Variants in FSTL4 observed in about 807,000 individuals in gnomAD.
The protein encoded by FSTL4 is follistatin-related protein 4.
Under a neutral mutation model 78.2 loss-of-function variants are expected in FSTL4, and 28 were observed. The observed-to-expected ratio is 0.36, with a 90% CI of 0.27 to 0.49. The LOEUF is 0.49. FSTL4 is among the 20% of genes least tolerant of loss of function. The pLI, the probability that FSTL4 is intolerant of heterozygous loss-of-function variation, is 0.98. For missense variants in FSTL4, 922 were observed against 1,084.9 expected, an observed-to-expected ratio of 0.85 and a Z score of 2.11; for synonymous variants, 422 against 440.5, an observed-to-expected ratio of 0.96 and a Z score of 0.53.
In FSTL4 at chr5:133,361,307, C is replaced by T. The variant is rs533064741; in HGVS notation, c.409+39431G>A. Among the ~76,000 whole-genome samples the T allele has an allele frequency of 5.4e-4, 83 of 152,316 alleles. No individual in the cohort carries two copies. The South Asian group carries it at 0.016, about 30-fold the overall frequency. ...TGGGAGTGGGAGACCCTTACCTCTG[C>T]CCCTTTGTATGTTATCTTGAGATTT... On this transcript the variant is annotated intron_variant, in intron 4 of 15. Transcript: ENST00000265342. The surrounding 1 kb of genome is among the most constrained non-coding windows in gnomAD (Gnocchi z 4.3).
chr5:133,579,908 G>A (rs1561476326), intron 2 of FSTL4, among the ~76,000 whole-genome samples: 3 of 152,206 alleles, frequency 2.0e-5, no homozygotes, highest in Non-Finnish European at 2.9e-5. Context: ...GGGGCCAGCG[G>A]TGATTGATCA....
At chr5:133,812,707 C>T in the FSTL4 span, among the ~76,000 whole-genome samples, 1 of 152,198 alleles carries the variant, frequency 6.6e-6, no homozygotes, top group Non-Finnish European at 1.5e-5. Flanking sequence ...TGCCTAAAGG[C>T]ATCTTGTTCA....
the FSTL4 span, among the ~76,000 whole-genome samples, chr5:133,836,648 T>C: frequency 1.3e-5 from 2 of 152,292 alleles, no homozygotes; most frequent in East Asian, 3.9e-4. Flanking sequence ...TCCTTTTTTT[T>C]TTTAGGGTGG....
chr5:133,780,082 C>T, the FSTL4 span, among the ~76,000 whole-genome samples: 1 of 152,162 alleles, frequency 6.6e-6, no homozygotes, highest in Non-Finnish European at 1.5e-5. Flanking sequence ...CTCGCAGGTG[C>T]ACACCCATCA....
the FSTL4 span, among the ~76,000 whole-genome samples, chr5:133,767,261 G>A: frequency 2.6e-4 from 40 of 152,256 alleles, no homozygotes; most frequent in Non-Finnish European, 5.0e-4. Flanking sequence ...TTCATTTATC[G>A]AGAGTGGCTC....
intron 14 of FSTL4, among the ~76,000 whole-genome samples, chr5:133,209,501 T>C (rs1055286868): frequency 2.6e-5 from 4 of 152,218 alleles, no homozygotes; most frequent in African/African-American, 9.6e-5. Flanking sequence ...TTTGGGAGAA[T>C]TGAGAAAATG....
chr5:133,476,355 G>A (rs1192854659), intron 3 of FSTL4, among the ~76,000 whole-genome samples: 1 of 152,182 alleles, frequency 6.6e-6, no homozygotes, highest in East Asian at 1.9e-4. Context: ...ATACCACATT[G>A]CAGTTTGGTT....
In FSTL4 at chr5:133,569,867, T is replaced by G. The variant is rs532037913; in HGVS notation, c.127-2648A>C. On this transcript the variant is annotated intron_variant, in intron 2 of 15. Transcript: ENST00000265342. The stretch of plus-strand genomic sequence containing the variant: ...TTTATTGGTCTATAATTTTTTGTAC[T>G]GATATTCATAAATGAGATTGGTCTA... 5.3e-5 allele frequency among the ~76,000 whole-genome samples: 8 copies of G among 152,334 alleles called. 1 individual carries two copies. Among genetic ancestry groups the G allele is most frequent in the Admixed American group, 5.2e-4 (8 of 15,302 alleles).
At chr5:133,715,944 T>C in the FSTL4 span, among the ~76,000 whole-genome samples, 4 of 152,194 alleles carry the variant, frequency 2.6e-5, no homozygotes, top group Admixed American at 2.0e-4. Context: ...AGTATCCTCA[T>C]TGTGCTTAGT....
At chr5:133,402,608 A>G (rs541468676) in intron 3 of FSTL4, among the ~76,000 whole-genome samples, 2 of 152,350 alleles carry the variant, frequency 1.3e-5, no homozygotes, top group South Asian at 4.1e-4. Context: ...AAAAAAGAAA[A>G]AAATATATTT....
At chr5:133,269,157 C>T (rs1219475126) in intron 6 of FSTL4, among the ~76,000 whole-genome samples, 1 of 140,768 alleles carries the variant, frequency 7.1e-6, no homozygotes, top group Non-Finnish European at 1.5e-5. Context: ...ACCACTCCAG[C>T]CTGGGCGATG....
intron 7 of FSTL4, among the ~76,000 whole-genome samples, chr5:133,241,576 A>G (rs1751875336): frequency 6.6e-6 from 1 of 152,202 alleles, no homozygotes; most frequent in Non-Finnish European, 1.5e-5. Flanking sequence ...AGTGTTATGT[A>G]GTAGGGGTGG....
intron 4 of FSTL4, among the ~76,000 whole-genome samples, chr5:133,389,899 G>A (rs1333873184): frequency 6.6e-6 from 1 of 152,216 alleles, no homozygotes; most frequent in African/African-American, 2.4e-5. Flanking sequence ...ATGGGGTGGA[G>A]GAAGGCAGAA....
At chr5:133,745,708 A>C in the FSTL4 span, among the ~76,000 whole-genome samples, 67 of 152,302 alleles carry the variant, frequency 4.4e-4, no homozygotes, top group African/African-American at 1.5e-3. Context: ...TCATCCACAA[A>C]CCAACTTCCA....
chr5:133,838,525 G>T, the FSTL4 span, among the ~76,000 whole-genome samples: 1 of 152,174 alleles, frequency 6.6e-6, no homozygotes, highest in East Asian at 1.9e-4. Flanking sequence ...CTTTGGCTGG[G>T]CTCATCTCAA....
chr5:133,699,355 A>G, the FSTL4 span, among the ~76,000 whole-genome samples: 4 of 152,130 alleles, frequency 2.6e-5, no homozygotes, highest in African/African-American at 9.7e-5. Flanking sequence ...CCCCTCTGCT[A>G]TAAGGACCAT....
Position 133,199,308 on chromosome 5 carries a change from G to C in FSTL4, c.2316C>G (p.Gly772=). The C allele has an allele frequency of 6.2e-7, 1 of 1,614,004 alleles. No homozygotes were observed. Reference sequence around the variant, plus strand: ...GTGGCTCCTTTAAGTTCTTCAGCATGCCCACCTTCCCCGTGGACAGCTCCA... The same window carrying C: ...GTGGCTCCTTTAAGTTCTTCAGCATCCCCACCTTCCCCGTGGACAGCTCCA... ...LFLELSTGKV[G]MLKNLKEPPA... is the part of the protein sequence containing the mutation. The change falls in exon 16 of 16, where the codon GGC becomes GGG. Residue 772 remains glycine, a synonymous_variant. Transcript: ENST00000265342. The surrounding 1 kb of genome is among the most constrained non-coding windows in gnomAD (Gnocchi z 4.4).
the FSTL4 span, among the ~76,000 whole-genome samples, chr5:133,837,945 T>A: frequency 1.6e-4 from 25 of 152,136 alleles, no homozygotes; most frequent in Admixed American, 3.9e-4. Context: ...TGGAGTGCAA[T>A]GGCACAATCT....
At chr5:133,683,687 T>A in the FSTL4 span, among the ~76,000 whole-genome samples, 13 of 152,228 alleles carry the variant, frequency 8.5e-5, no homozygotes, top group Non-Finnish European at 1.8e-4. Context: ...CAGTTTTATA[T>A]TTTCTGGATT....
Sources: allele counts gnomAD v4.1 joint callset (sites outside exome capture counted in the v4.1 genomes callset), GRCh38; gene constraint gnomAD v4.1.1; non-coding constraint Gnocchi (gnomAD v3.1); transcripts MANE v1.5; gene names NCBI Gene and HGNC (gene_info 2026-07-23, HGNC 2026-07-21).